The following IRS1 variants were observed in gnomAD, a reference collection of about 807,000 sequenced individuals.
IRS1 encodes insulin receptor substrate 1.
Under a neutral mutation model 65.6 loss-of-function variants are expected in IRS1, and 34 were observed. That is an observed-to-expected ratio of 0.52 (90% CI 0.39 to 0.69). IRS1 has a LOEUF of 0.69. Ranked by LOEUF, IRS1 falls within the 30% of genes least tolerant of loss-of-function variation. IRS1 has a pLI of 0.00. For synonymous variants in IRS1, 699 were observed against 683.5 expected, an observed-to-expected ratio of 1.02 and a Z score of -0.35; for missense variants, 1,641 against 1,720.2, an observed-to-expected ratio of 0.95 and a Z score of 0.81.
At chr2:226,739,399 C>T (rs928758464) in intron 1 of IRS1, among the ~76,000 whole-genome samples, 4 of 152,152 alleles carry the variant, frequency 2.6e-5, no homozygotes, top group Non-Finnish European at 5.9e-5. Flanking sequence ...AGTCATGCAG[C>T]CATTGTTTGC....
At chr2:226,745,814 A>G (rs1333696156) in intron 1 of IRS1, among the ~76,000 whole-genome samples, 1 of 152,244 alleles carries the variant, frequency 6.6e-6, no homozygotes, top group Admixed American at 6.5e-5. Flanking sequence ...GCAAGCAAGG[A>G]TGAATCCACC....
At chr2:226,783,379 A>G (rs1218268159) in intron 1 of IRS1, among the ~76,000 whole-genome samples, 1 of 152,196 alleles carries the variant, frequency 6.6e-6, no homozygotes. Context: ...ATTCTACTTC[A>G]TAACACTCTG....
intron 1 of IRS1, among the ~76,000 whole-genome samples, chr2:226,742,187 T>C (rs1369567172): frequency 1.3e-5 from 2 of 152,072 alleles, no homozygotes. Flanking sequence ...AGCTGGGAAG[T>C]ATGGGGGCAA....
Position 226,795,080 on chromosome 2 carries a change from C to A in IRS1, c.3659G>T (p.Arg1220Leu). 1.6e-6 allele frequency: 2 copies of A among 1,246,604 alleles called. No individual in the cohort carries two copies. Among genetic ancestry groups the A allele is most frequent in the Non-Finnish European group, 1.0e-6 (1 of 955,600 alleles). The allele number at this position is 1,246,604 out of a possible 1,614,324, so 77.2% of individuals were successfully genotyped here. A position where few individuals can be genotyped will look rare whatever the true frequency, so the allele number is the denominator to read the frequency against. Residue 1220 changes from arginine to leucine, a missense_variant, in exon 1 of 2, where the codon CGC becomes CTC. Transcript: ENST00000305123. ...PLGSGESSST[R>L]RSSEDLSAYA... Reference sequence around the variant, plus strand: ...GGCGCTTAAATCCTCACTTGAGCGGCGGGTGGAGCTGCTCTCACCGCTGCC... The same window carrying A: ...GGCGCTTAAATCCTCACTTGAGCGGAGGGTGGAGCTGCTCTCACCGCTGCC...
intron 1 of IRS1, among the ~76,000 whole-genome samples, chr2:226,740,325 T>C (rs151172112): frequency 2.0e-3 from 307 of 152,326 alleles, no homozygotes; most frequent in African/African-American, 7.1e-3. Context: ...CCTAATCCTG[T>C]TGCCAGTAAT....
At chr2:226,793,915 C>T (rs866616211) in intron 1 of IRS1, among the ~76,000 whole-genome samples, 7 of 152,018 alleles carry the variant, frequency 4.6e-5, no homozygotes, top group East Asian at 1.9e-4. Flanking sequence ...ATTTTTAATA[C>T]GGCATTAGCC....
Position 226,733,874 on chromosome 2 carries a change from C to T in IRS1, c.*2398G>A, listed in dbSNP as rs748373994. ...GAAGCAGCTTAAATAAGAATTTCTA[C>T]CTTTATGCTTTTCGACTCAAAAAGT... On this transcript the variant is annotated 3_prime_UTR_variant, in exon 2 of 2. Transcript: ENST00000305123. 7 of 152,178 alleles carry T rather than the reference C, an allele frequency of 4.6e-5. No individual in the cohort carries two copies. The highest frequency in any genetic ancestry group is 7.4e-5 in the Non-Finnish European group (5 of 68,024). The allele number at this position is 152,178 out of a possible 1,614,324, so 9.4% of individuals were successfully genotyped here. A position where few individuals can be genotyped will look rare whatever the true frequency, so the allele number is the denominator to read the frequency against.
chr2:226,759,257 T>G (rs528749812), intron 1 of IRS1, among the ~76,000 whole-genome samples: 1 of 152,380 alleles, frequency 6.6e-6, no homozygotes, highest in South Asian at 2.1e-4. Flanking sequence ...AATGCCATGC[T>G]GGAAAATGGA....
chr2:226,798,130 G>T lies in IRS1; in HGVS notation c.609C>A (p.Ala203=). 1 of 1,613,974 alleles carries T rather than the reference G, an allele frequency of 6.2e-7. No individual in the cohort carries two copies. Among genetic ancestry groups the T allele is most frequent in the African/African-American group, 1.3e-5 (1 of 75,028 alleles). Residue 203 remains alanine (A), a synonymous_variant, in exon 1 of 2, where the codon GCC becomes GCA. Coordinates refer to ENST00000305123, the MANE Select transcript of IRS1 (RefSeq NM_005544.3). This position sits in a 1 kb window ranked among gnomAD's most constrained non-coding sequence, Gnocchi z 9.4. ...SFVKLNSEAA[A]VVLQLMNIRR... is the part of the protein sequence containing the mutation. ...TGATGTTCATCAGCTGCAGCACCAC[G>T]GCCGCTGCCTCCGAGTTCAGCTTCA...
Position 226,798,996 on chromosome 2 carries a change from G to C in IRS1, c.-258C>G. The C allele has an allele frequency of 7.0e-7, 1 of 1,430,754 alleles. No homozygotes were observed. The allele number at this position is 1,430,754 out of a possible 1,614,324, so 88.6% of individuals were successfully genotyped here. A position where few individuals can be genotyped will look rare whatever the true frequency, so the allele number is the denominator to read the frequency against. On this transcript the variant is annotated 5_prime_UTR_variant, in exon 1 of 2. Transcript: ENST00000305123. This position sits in a 1 kb window ranked among gnomAD's most constrained non-coding sequence, Gnocchi z 9.4. ...CGGGGAGGCAGTGCGTCCGGGGTGA[G>C]GGCAGCCCCGATCCTCCGAGAGCCA...
In IRS1 at chr2:226,795,350, C is replaced by T. The variant is rs1362145870; in HGVS notation, c.3389G>A (p.Gly1130Asp). The change falls in exon 1 of 2, where the codon GGT (glycine) becomes GAT (aspartate). Residue 1130 changes from glycine to aspartate, a missense_variant. This residue lies in a region of IRS1 where 1,324 missense variants were observed against 1,361.0 expected (regional missense o/e 0.97). Coordinates refer to ENST00000305123, the MANE Select transcript of IRS1 (RefSeq NM_005544.3). ...GAGAAVGGGG[G>D]SSSSSEDVKR... Reference sequence around the variant, plus strand: ...CACATCCTCGCTGCTGCTGCTGCTACCGCCACCGCCCCCTACTGCTGCCCC... The same window carrying T: ...CACATCCTCGCTGCTGCTGCTGCTATCGCCACCGCCCCCTACTGCTGCCCC... 11 of 1,613,054 alleles carry T rather than the reference C, an allele frequency of 6.8e-6. No homozygotes were observed. The highest frequency in any genetic ancestry group is 9.3e-6 in the Non-Finnish European group (11 of 1,179,978).
rs777548680 is a variant in IRS1, at chr2:226,795,035, T to C, written c.3704A>G (p.Gln1235Arg). The change falls in exon 1 of 2, where the codon CAG becomes CGG. Residue 1235 changes from glutamine (Q) to arginine (R), a missense_variant. By Grantham distance (43) the Gln-to-Arg change is conservative. Coordinates refer to ENST00000305123, the MANE Select transcript of IRS1 (RefSeq NM_005544.3). ...CTACTGACGGTCCTCTGGCTGCTTCTGGAAACTGATGCTGGCATAGGCGCT... is the reference window on the plus strand; with the variant it reads ...CTACTGACGGTCCTCTGGCTGCTTCCGGAAACTGATGCTGGCATAGGCGCT... ...DLSAYASISF[Q>R]KQPEDRQ The C allele has an allele frequency of 3.2e-5, 51 of 1,607,016 alleles. No homozygotes were observed. Among genetic ancestry groups the C allele is most frequent in the Admixed American group, 5.1e-5 (3 of 58,458 alleles).
At chr2:226,740,586 A>G (rs527725870) in intron 1 of IRS1, among the ~76,000 whole-genome samples, 37 of 152,350 alleles carry the variant, frequency 2.4e-4, no homozygotes, top group Non-Finnish European at 4.4e-4. Flanking sequence ...TGATGGAAAG[A>G]TCTGTACACT....
At chr2:226,740,900 T>C (rs2106158060) in intron 1 of IRS1, among the ~76,000 whole-genome samples, 1 of 152,222 alleles carries the variant, frequency 6.6e-6, no homozygotes, top group Middle Eastern at 3.4e-3. Flanking sequence ...ATATTGTAGA[T>C]GGAACTAGAA....
At chr2:226,766,492 A>G (rs1293855853) in intron 1 of IRS1, among the ~76,000 whole-genome samples, 1 of 151,908 alleles carries the variant, frequency 6.6e-6, no homozygotes, top group African/African-American at 2.4e-5. Context: ...CATGCATTTT[A>G]GAAGTACTAA....
chr2:226,783,964 G>GC (rs1197779117), intron 1 of IRS1, among the ~76,000 whole-genome samples: 5 of 152,020 alleles, frequency 3.3e-5, no homozygotes, highest in Non-Finnish European at 7.4e-5. Flanking sequence ...TCAATAGCAA[G>GC]CACCAACTGA....
At chr2:226,760,246 T>G (rs2106166516) in intron 1 of IRS1, among the ~76,000 whole-genome samples, 1 of 152,316 alleles carries the variant, frequency 6.6e-6, no homozygotes, top group Middle Eastern at 3.4e-3. Context: ...TGTGCACAAA[T>G]TAAATTTTTT....
intron 1 of IRS1, among the ~76,000 whole-genome samples, chr2:226,773,378 G>T (rs931389167): frequency 1.3e-5 from 2 of 152,068 alleles, no homozygotes; most frequent in Non-Finnish European, 2.9e-5. Context: ...GATTATAAGG[G>T]AAGGTGTTTG....
At chr2:226,777,244 G>A (rs1939292819) in intron 1 of IRS1, among the ~76,000 whole-genome samples, 1 of 152,104 alleles carries the variant, frequency 6.6e-6, no homozygotes, top group South Asian at 2.1e-4. Context: ...ACTAGGTATG[G>A]GGTACATAGT....
Sources: gnomAD v4.1 joint callset for allele counts (sites outside exome capture counted in the v4.1 genomes callset) on GRCh38, gnomAD v4.1.1 for gene constraint, gnomAD v4.1.1 regional missense constraint, Gnocchi (gnomAD v3.1) non-coding constraint, MANE v1.5 for transcripts, NCBI Gene and HGNC (gene_info 2026-07-23, HGNC 2026-07-21) for gene names.